STK3: variants seen among roughly 807,000 people sequenced by gnomAD.
The protein encoded by STK3 is serine/threonine kinase 3, also known as serine/threonine-protein kinase 3.
In STK3, 41 loss-of-function variants were observed where a neutral mutation model predicts 58.0. The observed-to-expected ratio is 0.71, with a 90% CI of 0.55 to 0.92. The LOEUF is 0.92. STK3 is among the 40% of genes least tolerant of loss of function. STK3 has a pLI of 0.00. For missense variants in STK3, 479 were observed against 602.7 expected (o/e 0.79, Z 2.15); for synonymous variants, 170 against 191.0 (o/e 0.89, Z 0.91).
At chr8:98,381,173 G>T (rs181472801) in intron 1 of STK3, among the ~76,000 whole-genome samples, 1 of 151,918 alleles carries the variant, frequency 6.6e-6, no homozygotes, top group Non-Finnish European at 1.5e-5. Context: ...GTTTCACCAC[G>T]TTGGCCAGGC....
chr8:98,699,305 G>C (rs2131015906), intron 6 of STK3, among the ~76,000 whole-genome samples: 1 of 152,214 alleles, frequency 6.6e-6, no homozygotes, highest in South Asian at 2.1e-4. Context: ...CCTTTGGTTT[G>C]AATTTCCTCC....
intron 10 of STK3, among the ~76,000 whole-genome samples, chr8:98,486,068 G>A (rs1054772473): frequency 1.3e-5 from 2 of 152,306 alleles, no homozygotes; most frequent in Non-Finnish European, 2.9e-5. Context: ...TTGACATAAG[G>A]AAAAGATCTT....
At chr8:98,732,160 GA>G (rs1375356181) in intron 4 of STK3, among the ~76,000 whole-genome samples, 1 of 151,994 alleles carries the variant, frequency 6.6e-6, no homozygotes. Context: ...AAGACAAAAA[GA>G]GACGGATAAT....
At chr8:98,925,741 G>A (rs769752270) in intron 1 of STK3, among the ~76,000 whole-genome samples, 8 of 152,148 alleles carry the variant, frequency 5.3e-5, no homozygotes, top group Non-Finnish European at 1.0e-4. Context: ...CTTTGAATCA[G>A]CTCAGGAAGA....
intron 10 of STK3, among the ~76,000 whole-genome samples, chr8:98,493,991 T>C (rs943941883): frequency 6.6e-6 from 1 of 152,240 alleles, no homozygotes; most frequent in African/African-American, 2.4e-5. Context: ...TCATTGCTTT[T>C]GTTCATTTCT....
chr8:98,856,320 C>CA (rs71572026), intron 3 of STK3, among the ~76,000 whole-genome samples: 35,816 of 101,276 alleles, frequency 0.35, 5,216 homozygotes, highest in East Asian at 0.52. Context: ...GACTCCATCT[C>CA]AAAAAAAAAA....
chr8:98,891,500 C>T (rs1384464416), intron 1 of STK3, among the ~76,000 whole-genome samples: 2 of 151,912 alleles, frequency 1.3e-5, no homozygotes, highest in Admixed American at 6.6e-5. Context: ...ATTTAAATAT[C>T]CATGGTATAG....
At chr8:98,496,974 A>G (rs530832357) in intron 10 of STK3, among the ~76,000 whole-genome samples, 2 of 152,176 alleles carry the variant, frequency 1.3e-5, no homozygotes, top group East Asian at 3.9e-4. Context: ...TAACCAAAAT[A>G]AAAAAAATTT....
chr8:98,407,191 C>T (rs1056996911), intron 3 of STK3, among the ~76,000 whole-genome samples: 2 of 152,160 alleles, frequency 1.3e-5, no homozygotes, highest in African/African-American at 4.8e-5. Flanking sequence ...CATAGAATTT[C>T]CCTTCTGTAA....
intron 6 of STK3, among the ~76,000 whole-genome samples, chr8:98,687,744 T>G (rs1459717782): frequency 6.6e-6 from 1 of 152,184 alleles, no homozygotes; most frequent in Non-Finnish European, 1.5e-5. Context: ...AATTCATCAC[T>G]GCCAGACCAG....
chr8:98,821,161 C>T (rs895081039), intron 1 of STK3, among the ~76,000 whole-genome samples: 5 of 152,084 alleles, frequency 3.3e-5, no homozygotes, highest in African/African-American at 4.8e-5. Context: ...CGAGCATTAC[C>T]GCCCTTGCTC....
chr8:98,772,400 T>G (rs1186388399), intron 2 of STK3, among the ~76,000 whole-genome samples: 1 of 152,100 alleles, frequency 6.6e-6, no homozygotes, highest in Non-Finnish European at 1.5e-5. Flanking sequence ...GATGTGCTTA[T>G]TTAAAGCGGT....
intron 1 of STK3, among the ~76,000 whole-genome samples, chr8:98,909,682 A>G (rs1311358005): frequency 6.6e-6 from 1 of 152,244 alleles, no homozygotes; most frequent in Non-Finnish European, 1.5e-5. Context: ...AGCGTGTATC[A>G]GTACTTCATT....
intron 10 of STK3, among the ~76,000 whole-genome samples, chr8:98,494,377 T>C (rs1201459331): frequency 6.6e-6 from 1 of 152,192 alleles, no homozygotes; most frequent in East Asian, 1.9e-4. Flanking sequence ...TGAACTTTGG[T>C]GTTCCTTATA....
chr8:98,709,247 G>A lies in STK3; in HGVS notation c.352-1936C>T, dbSNP rs75047604. ...CAATAGAGAGCTACTGATAGAGAAC[G>A]ACTGAGAAGCTACTTTAGATTGACA... On this transcript the variant is annotated intron_variant, in intron 4 of 10. Coordinates refer to ENST00000419617, the MANE Select transcript of STK3 (RefSeq NM_006281.4). 5.9e-3 allele frequency among the ~76,000 whole-genome samples: 905 copies of A among 152,122 alleles called. 11 individuals carry two copies. Among genetic ancestry groups the A allele is most frequent in the African/African-American group, 0.021 (865 of 41,484 alleles).
the STK3 span, among the ~76,000 whole-genome samples, chr8:98,365,692 T>C: frequency 6.6e-6 from 1 of 151,938 alleles, no homozygotes; most frequent in African/African-American, 2.4e-5. Context: ...CCAGTTCATG[T>C]CTTTATATTT....
chr8:98,614,769 A>T (rs544154011), intron 6 of STK3, among the ~76,000 whole-genome samples: 37 of 152,258 alleles, frequency 2.4e-4, no homozygotes, highest in Non-Finnish European at 4.6e-4. Flanking sequence ...AAAACGGCGC[A>T]CCACGAGACT....
chr8:98,478,529 A>G (rs1821566016), intron 10 of STK3, among the ~76,000 whole-genome samples: 1 of 152,182 alleles, frequency 6.6e-6, no homozygotes, highest in South Asian at 2.1e-4. Context: ...GAACCTAGAA[A>G]AATCCTTATT....
At chr8:98,584,578 T>C (rs1375796424) in intron 7 of STK3, among the ~76,000 whole-genome samples, 2 of 150,432 alleles carry the variant, frequency 1.3e-5, no homozygotes, top group Admixed American at 6.6e-5. Flanking sequence ...TGTGTCTTTA[T>C]AGCAGCATGA....
Sources: allele counts gnomAD v4.1 joint callset (sites outside exome capture counted in the v4.1 genomes callset), GRCh38; gene constraint gnomAD v4.1.1; transcripts MANE v1.5; gene names NCBI Gene and HGNC (gene_info 2026-07-23, HGNC 2026-07-21).